PSD2: variants seen among roughly 807,000 people sequenced by gnomAD.
The protein encoded by PSD2 is PH and SEC7 domain-containing protein 2.
In PSD2, 38 loss-of-function variants were observed where a neutral mutation model predicts 69.8. The ratio of observed to expected loss-of-function variants is 0.54; its 90% CI spans 0.42 to 0.71. PSD2 has a LOEUF of 0.71. Ranked by LOEUF, PSD2 falls within the 30% of genes least tolerant of loss-of-function variation. PSD2 has a pLI of 0.00. For missense variants in PSD2, 943 were observed against 1,014.5 expected, an observed-to-expected ratio of 0.93 and a Z score of 0.96; for synonymous variants, 412 against 423.0, an observed-to-expected ratio of 0.97 and a Z score of 0.32.
chr5:139,772,072 G>T, the PSD2 span, among the ~76,000 whole-genome samples: 1 of 152,160 alleles, frequency 6.6e-6, no homozygotes, highest in Non-Finnish European at 1.5e-5. Flanking sequence ...AAAGCCCTTG[G>T]CAGGGATCAG....
chr5:139,795,507 G>A (rs901932345), upstream of PSD2, among the ~76,000 whole-genome samples: 2 of 152,118 alleles, frequency 1.3e-5, no homozygotes, highest in African/African-American at 2.4e-5. The surrounding 1 kb of genome is among the most constrained non-coding windows in gnomAD (Gnocchi z 4.5). Flanking sequence ...TCTGCCCGAG[G>A]GTTCGAGGAC....
intron 1 of PSD2, among the ~76,000 whole-genome samples, chr5:139,798,344 C>T (rs537449957): frequency 6.6e-6 from 1 of 152,294 alleles, no homozygotes; most frequent in East Asian, 1.9e-4. Context: ...GGGTCTGGCC[C>T]CCTTTTCAGG....
chr5:139,829,166 C>G (rs1760505991), intron 7 of PSD2, among the ~76,000 whole-genome samples: 1 of 152,168 alleles, frequency 6.6e-6, no homozygotes, highest in Non-Finnish European at 1.5e-5. Context: ...AGTATAATTT[C>G]ACTTCTTTGC....
the PSD2 span, among the ~76,000 whole-genome samples, chr5:139,758,709 G>A: frequency 2.6e-5 from 4 of 152,174 alleles, no homozygotes; most frequent in Non-Finnish European, 4.4e-5. Context: ...GGCAGGGTTT[G>A]GGGGCTTTGT....
In PSD2 at chr5:139,840,073, C is replaced by T. The variant is rs201270867; in HGVS notation, c.2015C>T (p.Ala672Val). 4.7e-4 allele frequency: 764 copies of T among 1,614,170 alleles called. 5 individuals carry two copies. In the South Asian group the frequency reaches 7.7e-3, roughly 16 times the overall value. The change falls in exon 14 of 15, where the codon GCG (alanine) becomes GTG (valine). Residue 672 changes from alanine to valine, a missense_variant. Around this residue, in one of 3 missense-constraint regions of PSD2, gnomAD observed 165 missense variants for 168.8 expected, o/e 0.98. Transcript: ENST00000274710. ...GAGAATAAGTTGAGGCAGCTGACTG[C>T]GGAGCTGGCCGAACACAGGTGTCAC... ...SHENKLRQLT[A>V]ELAEHRCHPV...
chr5:139,779,898 T>G, the PSD2 span, among the ~76,000 whole-genome samples: 10 of 152,220 alleles, frequency 6.6e-5, no homozygotes, highest in Non-Finnish European at 1.3e-4. Context: ...ATTGTATGGA[T>G]GTGTAATAGT....
In PSD2 at chr5:139,843,120, A is replaced by G. The variant is rs565503577; in HGVS notation, c.*646A>G. 1 of 152,920 alleles carries G rather than the reference A, an allele frequency of 6.5e-6. No individual in the cohort carries two copies. Among genetic ancestry groups the G allele is most frequent in the East Asian group, 1.9e-4 (1 of 5,188 alleles). 9.5% of individuals were successfully genotyped at this position (152,920 alleles called of 1,614,324 possible). A position where few individuals can be genotyped will look rare whatever the true frequency, so the allele number is the denominator to read the frequency against. On this transcript the variant is annotated 3_prime_UTR_variant, in exon 15 of 15. Transcript: ENST00000274710. ...TTTATACAGACACAAATATACATCT[A>G]TAAGAATAATATATACATAAGGAAC...
At chr5:139,769,360 C>T in the PSD2 span, among the ~76,000 whole-genome samples, 2 of 152,070 alleles carry the variant, frequency 1.3e-5, no homozygotes, top group South Asian at 4.1e-4. Context: ...TCCAGAGAAG[C>T]TTCTAGACAG....
Position 139,837,139 on chromosome 5 carries a change from A to G in PSD2, c.1595-29A>G, listed in dbSNP as rs748060138. 1 of 1,612,780 alleles carries G rather than the reference A, an allele frequency of 6.2e-7. No individual in the cohort carries two copies. The highest frequency in any genetic ancestry group is 2.2e-5 in the East Asian group (1 of 44,878). Reference sequence around the variant, plus strand: ...TGGAGAGACTGCAGAGGGTGGCTGCAGCCACACTACCAGTGCCCTCCTCCC... The same window carrying G: ...TGGAGAGACTGCAGAGGGTGGCTGCGGCCACACTACCAGTGCCCTCCTCCC... On this transcript the variant is annotated intron_variant, in intron 10 of 14. Transcript: ENST00000274710. This position sits in a 1 kb window ranked among gnomAD's most constrained non-coding sequence, Gnocchi z 5.0.
At chr5:139,780,718 A>G in the PSD2 span, among the ~76,000 whole-genome samples, 1 of 152,250 alleles carries the variant, frequency 6.6e-6, no homozygotes, top group Non-Finnish European at 1.5e-5. Context: ...CGCTGGGATT[A>G]CAGGTGTGAG....
At chr5:139,793,744 A>G (rs1311219032), upstream of PSD2, among the ~76,000 whole-genome samples, 1 of 152,216 alleles carries the variant, frequency 6.6e-6, no homozygotes, top group East Asian at 1.9e-4. Context: ...AGTGCATTCC[A>G]TGAGTAAGTA....
intron 1 of PSD2, among the ~76,000 whole-genome samples, chr5:139,808,577 C>A (rs1039201826): frequency 6.6e-6 from 1 of 152,214 alleles, no homozygotes; most frequent in Non-Finnish European, 1.5e-5. Flanking sequence ...CCCCAGAGTG[C>A]CCCTTGGCGG....
At chr5:139,835,537 T>C (rs1313699884) in intron 8 of PSD2, among the ~76,000 whole-genome samples, 186 bp from the exon 9 acceptor site, 1 of 152,082 alleles carries the variant, frequency 6.6e-6, no homozygotes, top group African/African-American at 2.4e-5. Context: ...CATAATTAAA[T>C]ACCACCCATC....
rs988048690 is a variant in PSD2 at position 139,839,663 on chromosome 5, G to A, written c.1969-364G>A. 6.6e-6 allele frequency among the ~76,000 whole-genome samples: 1 copy of A among 152,246 alleles called. No homozygotes were observed. The highest frequency in any genetic ancestry group is 2.4e-5 in the African/African-American group (1 of 41,468). On this transcript the variant is annotated intron_variant, in intron 13 of 14. Coordinates refer to ENST00000274710, the MANE Select transcript of PSD2 (RefSeq NM_032289.4). This position sits in a 1 kb window ranked among gnomAD's most constrained non-coding sequence, Gnocchi z 5.1. ...CGGGGCCAGGCTGGCCTTGGTCCGGGGTGTTTGTGTGTGCACATGGGAGTG... is the reference window on the plus strand; with the variant it reads ...CGGGGCCAGGCTGGCCTTGGTCCGGAGTGTTTGTGTGTGCACATGGGAGTG...
Position 139,837,700 on chromosome 5 carries a change from A to C in PSD2, c.1741A>C (p.Thr581Pro). 1 of 1,614,104 alleles carries C rather than the reference A, an allele frequency of 6.2e-7. No homozygotes were observed. The highest frequency in any genetic ancestry group is 8.5e-7 in the Non-Finnish European group (1 of 1,179,962). ...NAIRVHHALATRASDYSKKSN... is the reference protein window; with the variant it reads ...NAIRVHHALAPRASDYSKKSN... ...CATTCGCGTGCATCACGCTCTGGCCACCAGGGCCTCTGACTACAGCAAGAA... is the reference window on the plus strand; with the variant it reads ...CATTCGCGTGCATCACGCTCTGGCCCCCAGGGCCTCTGACTACAGCAAGAA... Residue 581 changes from threonine to proline, a missense_variant, in exon 12 of 15, where the codon ACC (threonine) becomes CCC (proline). Transcript: ENST00000274710. The surrounding 1 kb of genome is among the most constrained non-coding windows in gnomAD (Gnocchi z 5.0).
chr5:139,750,046 C>T, the PSD2 span, among the ~76,000 whole-genome samples: 1 of 150,038 alleles, frequency 6.7e-6, no homozygotes. Context: ...AAAAACCAGG[C>T]TGGGTGTGGT....
chr5:139,795,518 G>C (rs937427385), upstream of PSD2, among the ~76,000 whole-genome samples: 5 of 152,120 alleles, frequency 3.3e-5, no homozygotes, highest in Non-Finnish European at 7.4e-5. This position sits in a 1 kb window ranked among gnomAD's most constrained non-coding sequence, Gnocchi z 4.5. Context: ...GTTCGAGGAC[G>C]GCAGGGGCCC....
the PSD2 span, among the ~76,000 whole-genome samples, chr5:139,756,030 C>T: frequency 1.3e-5 from 2 of 152,232 alleles, no homozygotes; most frequent in Admixed American, 1.3e-4. Flanking sequence ...GGCTGCCGTC[C>T]GCCCTCCCGC....
At position 139,837,672 on chromosome 5, in the gene PSD2, C is replaced by G. The variant is rs767061112; in HGVS notation, c.1713C>G (p.Asn571Lys). The change falls in exon 12 of 15, where the codon AAC (asparagine) becomes AAG (lysine). Residue 571 changes from asparagine (N) to lysine (K), a missense_variant. By Grantham distance (94) the Asn-to-Lys change is moderately conservative (BLOSUM62 0). Around this residue, in one of 3 missense-constraint regions of PSD2, gnomAD observed 312 missense variants for 400.7 expected, o/e 0.78. Coordinates refer to ENST00000274710, the MANE Select transcript of PSD2 (RefSeq NM_032289.4). This position sits in a 1 kb window ranked among gnomAD's most constrained non-coding sequence, Gnocchi z 5.0. ...CTCTATCGGAGGGTGACCTGAAGAA[C>G]GCCATTCGCGTGCATCACGCTCTGG... ...DKALSEGDLK[N>K]AIRVHHALAT... The G allele has an allele frequency of 6.2e-7, 1 of 1,613,940 alleles. No individual in the cohort carries two copies. The highest frequency in any genetic ancestry group is 1.7e-5 in the Admixed American group (1 of 60,006).
Sources: allele counts gnomAD v4.1 joint callset (sites outside exome capture counted in the v4.1 genomes callset), GRCh38; gene constraint gnomAD v4.1.1; regional missense constraint gnomAD v4.1.1; non-coding constraint Gnocchi (gnomAD v3.1); transcripts MANE v1.5; gene names NCBI Gene and HGNC (gene_info 2026-07-23, HGNC 2026-07-21).